The following DEUP1 variants were observed in gnomAD, a reference collection of about 807,000 sequenced individuals.
DEUP1 encodes the protein deuterosome assembly protein 1, also known as coiled-coil domain containing 67.
A neutral mutation model predicts 87.4 loss-of-function variants in DEUP1; 82 were observed. That is an observed-to-expected ratio of 0.94 (90% CI 0.78 to 1.13). The LOEUF (loss-of-function observed/expected upper bound fraction) is 1.13, where lower values mean the gene tolerates loss of function less well. DEUP1 is among the 50% of genes most tolerant of loss of function. DEUP1 has a pLI of 0.00. For synonymous variants in DEUP1, 214 were observed against 222.7 expected (o/e 0.96, Z 0.35); for missense variants, 663 against 681.5 (o/e 0.97, Z 0.30).
intron 13 of DEUP1, among the ~76,000 whole-genome samples, chr11:93,429,827 A>T (rs1292343625): frequency 2.0e-5 from 3 of 152,144 alleles, no homozygotes; most frequent in Non-Finnish European, 4.4e-5. Context: ...TTACTCTTTT[A>T]AGGAATTCCT....
In DEUP1 at chr11:93,402,248, G is replaced by C. The variant is rs532064213; in HGVS notation, c.1326+5923G>C. Among the ~76,000 whole-genome samples, 10 of 151,812 alleles carry C rather than the reference G, an allele frequency of 6.6e-5. No individual in the cohort carries two copies. The South Asian group carries it at 2.1e-3, about 32-fold the overall frequency. ...ACATACAGATGGCCAACAGGTATATGAAAAAAAATTCAGTATCACTAATCA... is the reference window on the plus strand; with the variant it reads ...ACATACAGATGGCCAACAGGTATATCAAAAAAAATTCAGTATCACTAATCA... On this transcript the variant is annotated intron_variant, in intron 11 of 13. Coordinates refer to ENST00000298050, the MANE Select transcript of DEUP1 (RefSeq NM_181645.4).
At chr11:93,382,668 G>A (rs532770162) in intron 7 of DEUP1, among the ~76,000 whole-genome samples, 9 of 152,110 alleles carry the variant, frequency 5.9e-5, no homozygotes, top group Non-Finnish European at 8.8e-5. Context: ...TTTTCTACAT[G>A]CAACTTCATA....
At chr11:93,377,725 T>C (rs1038196409) in intron 7 of DEUP1, among the ~76,000 whole-genome samples, 1 of 152,198 alleles carries the variant, frequency 6.6e-6, no homozygotes, top group Non-Finnish European at 1.5e-5. Context: ...AGATGTATGC[T>C]TCAAGGAGGT....
intron 13 of DEUP1, among the ~76,000 whole-genome samples, chr11:93,437,042 A>G (rs1261115965): frequency 1.3e-5 from 2 of 152,084 alleles, no homozygotes; most frequent in Admixed American, 1.3e-4. Flanking sequence ...AGCCTTCCCT[A>G]CTAGGGAGCC....
At chr11:93,334,530 G>C (rs1281053710) in intron 2 of DEUP1, among the ~76,000 whole-genome samples, 2 of 152,326 alleles carry the variant, frequency 1.3e-5, no homozygotes, top group African/African-American at 2.4e-5. Flanking sequence ...GAAAAATAGA[G>C]AGTGTGAATG....
intron 2 of DEUP1, among the ~76,000 whole-genome samples, chr11:93,346,982 C>G (rs1944380384): frequency 6.6e-6 from 1 of 152,184 alleles, no homozygotes; most frequent in Non-Finnish European, 1.5e-5. Flanking sequence ...ATCATGTCAT[C>G]TGCAAACAAG....
chr11:93,373,628 T>TATATAC (rs1565316363), intron 7 of DEUP1, among the ~76,000 whole-genome samples: 1,620 of 140,112 alleles, frequency 0.012, 24 homozygotes, highest in South Asian at 0.018. Flanking sequence ...TATATACGTA[T>TATATAC]ATATATATAT....
At chr11:93,350,028 A>T (rs1944554193) in intron 2 of DEUP1, among the ~76,000 whole-genome samples, 1 of 152,074 alleles carries the variant, frequency 6.6e-6, no homozygotes, top group Non-Finnish European at 1.5e-5. Context: ...TGTTTTGAGG[A>T]GTATATTTGG....
intron 11 of DEUP1, among the ~76,000 whole-genome samples, chr11:93,403,730 T>G (rs2134399903): frequency 6.6e-6 from 1 of 151,848 alleles, no homozygotes; most frequent in East Asian, 1.9e-4. Context: ...TGGTTATCCT[T>G]TCTCAATGAA....
chr11:93,404,313 A>G (rs1017301460), intron 11 of DEUP1, among the ~76,000 whole-genome samples: 1 of 152,034 alleles, frequency 6.6e-6, no homozygotes, highest in African/African-American at 2.4e-5. Context: ...TTAATGCCAT[A>G]TTTACTTAGT....
intron 7 of DEUP1, among the ~76,000 whole-genome samples, chr11:93,373,837 C>A (rs1945896476): frequency 6.6e-6 from 1 of 151,896 alleles, no homozygotes; most frequent in Non-Finnish European, 1.5e-5. Context: ...AATGGTAGAT[C>A]TACCTTGAGT....
chr11:93,333,532 A>G (rs555146444), intron 2 of DEUP1, among the ~76,000 whole-genome samples: 2 of 152,338 alleles, frequency 1.3e-5, no homozygotes, highest in African/African-American at 2.4e-5. Flanking sequence ...CAGAGTTACA[A>G]CTAGCAGCAA....
intron 11 of DEUP1, among the ~76,000 whole-genome samples, chr11:93,397,185 T>C (rs910568077): frequency 3.9e-5 from 6 of 152,212 alleles, no homozygotes; most frequent in African/African-American, 1.4e-4. Context: ...ACATTCTCCA[T>C]TGGCCCTCCT....
chr11:93,375,297 T>C (rs1945983860), intron 7 of DEUP1, among the ~76,000 whole-genome samples: 1 of 152,168 alleles, frequency 6.6e-6, no homozygotes, highest in Non-Finnish European at 1.5e-5. Context: ...TTCTCTTGTC[T>C]GATTGCTCTG....
At chr11:93,358,578 T>TTATA (rs557899679) in intron 4 of DEUP1, among the ~76,000 whole-genome samples, 10 of 152,010 alleles carry the variant, frequency 6.6e-5, no homozygotes, top group Non-Finnish European at 1.3e-4. Flanking sequence ...GAGCTCTTCT[T>TTATA]TTTATTTATT....
At chr11:93,346,280 A>C (rs1311563900) in intron 2 of DEUP1, among the ~76,000 whole-genome samples, 1 of 152,148 alleles carries the variant, frequency 6.6e-6, no homozygotes, top group Non-Finnish European at 1.5e-5. Context: ...GTTTGAATTC[A>C]GGGCACAATC....
Position 93,433,746 on chromosome 11 carries a change from G to A in DEUP1, c.1639-3797G>A, listed in dbSNP as rs116405799. Among the ~76,000 whole-genome samples the A allele has an allele frequency of 7.6e-3, 1,158 of 152,316 alleles. 15 individuals are homozygous for A. The highest frequency in any genetic ancestry group is 0.027 in the African/African-American group (1,116 of 41,568). The stretch of plus-strand genomic sequence containing the variant: ...GAGTATTTTAGTATTTTCAGGAGGA[G>A]AGTGAAGGAGACAGGCTAGGGAAGG... On this transcript the variant is annotated intron_variant, in intron 13 of 13. Transcript: ENST00000298050.
At chr11:93,415,585 A>G (rs574952338) in intron 13 of DEUP1, among the ~76,000 whole-genome samples, 1 of 152,132 alleles carries the variant, frequency 6.6e-6, no homozygotes, top group Admixed American at 6.5e-5. Context: ...AGTAATGATC[A>G]GACATCCCCA....
chr11:93,350,552 T>C (rs1313850688), intron 2 of DEUP1, among the ~76,000 whole-genome samples: 2 of 152,312 alleles, frequency 1.3e-5, no homozygotes, highest in East Asian at 3.9e-4. Context: ...TTTGGCATGC[T>C]TCAGAATCAC....
Sources: gnomAD v4.1 joint callset for allele counts (sites outside exome capture counted in the v4.1 genomes callset) on GRCh38, gnomAD v4.1.1 for gene constraint, MANE v1.5 for transcripts, NCBI Gene and HGNC (gene_info 2026-07-23, HGNC 2026-07-21) for gene names.